SP4: variants seen among roughly 807,000 people sequenced by gnomAD.
SP4 encodes transcription factor Sp4.
Under a neutral mutation model 72.8 loss-of-function variants are expected in SP4, and 19 were observed. That is an observed-to-expected ratio of 0.26 (90% CI 0.18 to 0.38). The LOEUF is 0.38. Ranked by LOEUF, SP4 falls within the 10% of genes least tolerant of loss-of-function variation. SP4 has a pLI of 1.00. For missense variants in SP4, 1,008 were observed against 926.3 expected (o/e 1.09, Z -1.14); for synonymous variants, 395 against 333.1 (o/e 1.19, Z -2.02).
At chr7:21,465,022 A>G (rs1021646669) in intron 3 of SP4, among the ~76,000 whole-genome samples, 9 of 152,240 alleles carry the variant, frequency 5.9e-5, no homozygotes, top group African/African-American at 2.2e-4. Flanking sequence ...TGTTTTAAAT[A>G]TGGCAAATTC....
intron 5 of SP4, 89 bp downstream of exon 5, chr7:21,482,212 A>G: frequency 1.0e-6 from 1 of 1,001,386 alleles, no homozygotes; most frequent in Non-Finnish European, 1.5e-6. Flanking sequence ...CAAATTGGAA[A>G]TATGCAAATG....
intron 3 of SP4, among the ~76,000 whole-genome samples, chr7:21,456,779 G>T (rs6461563): frequency 0.42 from 64,441 of 152,012 alleles, 14,108 homozygotes; most frequent in East Asian, 0.68. Context: ...CTCACAAGCC[G>T]CCTGTCAGTG....
Position 21,460,806 on chromosome 7 carries a change from C to G in SP4, c.1679-16273C>G, listed in dbSNP as rs28872503. Among the ~76,000 whole-genome samples, 771 of 152,252 alleles carry G rather than the reference C, an allele frequency of 5.1e-3. 9 individuals carry two copies. Among genetic ancestry groups the G allele is most frequent in the African/African-American group, 0.017 (708 of 41,548 alleles). On this transcript the variant is annotated intron_variant, in intron 3 of 5. Transcript: ENST00000222584. The stretch of plus-strand genomic sequence containing the variant: ...GTATTTACAAACCCTGAGCTAGACA[C>G]AGAATGCTGATTGGTGCATTTACAA...
chr7:21,458,912 A>G (rs377130475), intron 3 of SP4, among the ~76,000 whole-genome samples: 2 of 152,238 alleles, frequency 1.3e-5, no homozygotes, highest in South Asian at 2.1e-4. Context: ...ATAGCCATCT[A>G]TGGAGTTAGA....
At chr7:21,428,630 C>A in intron 1 of SP4, 47 bp from the exon 2 acceptor site, 2 of 1,496,628 alleles carry the variant, frequency 1.3e-6, no homozygotes, top group Non-Finnish European at 1.8e-6. Flanking sequence ...TAATAATAAT[C>A]CTAATAACCT....
rs772593871 is a variant in SP4 at position 21,430,040 on chromosome 7, G to C, written c.875G>C (p.Ser292Thr). Residue 292 changes from serine to threonine, a missense_variant, in exon 3 of 6, where the codon AGT becomes ACT. Around this residue, in one of 3 missense-constraint regions of SP4, gnomAD observed 893 missense variants for 743.3 expected, o/e 1.20. Coordinates refer to ENST00000222584, the MANE Select transcript of SP4 (RefSeq NM_003112.5). ...GGCCAGCCTGCTGCTACTGCTGATA[G>C]TGGGACTTCCAATGGGAATCAATTA... is the stretch of plus-strand genomic sequence containing the variant. Reference protein sequence around the residue: ...QVGQPAATADSGTSNGNQLVS... With the variant: ...QVGQPAATADTGTSNGNQLVS... The C allele has an allele frequency of 6.2e-7, 1 of 1,614,078 alleles. No homozygotes were observed. Among genetic ancestry groups the C allele is most frequent in the African/African-American group, 1.3e-5 (1 of 74,916 alleles).
chr7:21,437,099 G>T, intron 3 of SP4, among the ~76,000 whole-genome samples: 1 of 152,128 alleles, frequency 6.6e-6, no homozygotes, highest in South Asian at 2.1e-4. Context: ...AATTTATGCT[G>T]CATGGTAAAA....
chr7:21,500,555 G>T (rs1781838048), intron 5 of SP4, among the ~76,000 whole-genome samples: 2 of 152,140 alleles, frequency 1.3e-5, no homozygotes, highest in Non-Finnish European at 2.9e-5. Flanking sequence ...AAAGTCGTTT[G>T]AATTGTCAGC....
At chr7:21,482,234 A>G in intron 5 of SP4, 111 bp downstream of exon 5, 3 of 787,098 alleles carry the variant, frequency 3.8e-6, no homozygotes, top group Non-Finnish European at 6.2e-6. Context: ...AGGAGAAGGC[A>G]TTTACTTTAG....
chr7:21,502,363 C>A (rs1467240588), intron 5 of SP4, among the ~76,000 whole-genome samples: 2 of 152,060 alleles, frequency 1.3e-5, no homozygotes, highest in Non-Finnish European at 2.9e-5. Context: ...GAACTCTGCC[C>A]CCTGCCTGGA....
intron 3 of SP4, among the ~76,000 whole-genome samples, chr7:21,460,538 T>C (rs761897241): frequency 6.6e-6 from 1 of 152,120 alleles, no homozygotes; most frequent in Non-Finnish European, 1.5e-5. Context: ...GCTTCCACAG[T>C]ATGGAAGGGG....
intron 3 of SP4, among the ~76,000 whole-genome samples, chr7:21,468,809 A>T (rs1485379537): frequency 6.6e-6 from 1 of 152,138 alleles, no homozygotes; most frequent in African/African-American, 2.4e-5. Flanking sequence ...AGCAGTAATC[A>T]CTTCTATTAG....
intron 5 of SP4, among the ~76,000 whole-genome samples, chr7:21,504,976 G>A (rs1410601693): frequency 1.3e-5 from 2 of 152,244 alleles, no homozygotes; most frequent in Non-Finnish European, 2.9e-5. Context: ...GTTACCAACA[G>A]ATGGAATGGT....
intron 4 of SP4, among the ~76,000 whole-genome samples, chr7:21,479,195 A>T (rs187940890): frequency 6.6e-6 from 1 of 150,600 alleles, no homozygotes; most frequent in East Asian, 1.9e-4. Context: ...ATTTTCCTTT[A>T]TTGCTTCTGC....
chr7:21,492,222 G>A (rs1375950513), intron 5 of SP4, among the ~76,000 whole-genome samples: 1 of 152,146 alleles, frequency 6.6e-6, no homozygotes, highest in Non-Finnish European at 1.5e-5. Flanking sequence ...TATATATTTT[G>A]AAAAGTTAGA....
intron 3 of SP4, among the ~76,000 whole-genome samples, chr7:21,449,295 G>A (rs1026518534): frequency 4.6e-5 from 7 of 152,174 alleles, no homozygotes; most frequent in East Asian, 1.9e-4. Context: ...TAACTGACCC[G>A]TATGCTCCAC....
chr7:21,430,402 C>T lies in SP4; in HGVS notation c.1237C>T (p.Gln413Ter). 6.2e-7 allele frequency: 1 copy of T among 1,614,226 alleles called. No individual in the cohort carries two copies. Among genetic ancestry groups the T allele is most frequent in the Non-Finnish European group, 8.5e-7 (1 of 1,180,046 alleles). Residue 413 changes from glutamine (Q) to a stop codon, truncating the protein, a stop_gained, in exon 3 of 6, where the codon CAG (glutamine) becomes TAG (stop). Coordinates refer to ENST00000222584, the MANE Select transcript of SP4 (RefSeq NM_003112.5). LOFTEE classifies it high-confidence loss of function. ...ILQQIQIQQP[Q>*]QQIIQAIPPQ... ...ACAGCAGATCCAGATCCAACAGCCT[C>T]AGCAACAGATCATTCAGGCTATTCC...
intron 3 of SP4, among the ~76,000 whole-genome samples, chr7:21,451,398 G>T (rs1453046369): frequency 2.0e-5 from 3 of 152,254 alleles, no homozygotes; most frequent in Non-Finnish European, 2.9e-5. Flanking sequence ...GGGTTAGGGG[G>T]TGCTTTCTGT....
intron 5 of SP4, among the ~76,000 whole-genome samples, chr7:21,483,780 C>T (rs1784747146): frequency 6.6e-6 from 1 of 151,532 alleles, no homozygotes; most frequent in Non-Finnish European, 1.5e-5. Context: ...GGCAATTTTC[C>T]TTCTTTCTTT....
Sources: gnomAD v4.1 joint callset for allele counts (sites outside exome capture counted in the v4.1 genomes callset) on GRCh38, gnomAD v4.1.1 for gene constraint, gnomAD v4.1.1 regional missense constraint, MANE v1.5 for transcripts, NCBI Gene and HGNC (gene_info 2026-07-23, HGNC 2026-07-21) for gene names.